STK3: variants seen among roughly 807,000 people sequenced by gnomAD.
STK3 encodes serine/threonine kinase 3.
In STK3, 41 loss-of-function variants were observed where a neutral mutation model predicts 58.0. The observed-to-expected ratio is 0.71, with a 90% CI of 0.55 to 0.92. STK3 has a LOEUF of 0.92. STK3 is among the 40% of genes least tolerant of loss of function. STK3 has a pLI of 0.00. For synonymous variants in STK3, 170 were observed against 191.0 expected, an observed-to-expected ratio of 0.89 and a Z score of 0.91; for missense variants, 479 against 602.7, an observed-to-expected ratio of 0.79 and a Z score of 2.15.
At chr8:98,427,867 T>G in intron 3 of STK3, 1 of 846,078 alleles carries the variant, frequency 1.2e-6, no homozygotes. Flanking sequence ...GGCCCGCCAG[T>G]AATGGGTAGG....
chr8:98,818,332 A>G (rs1237264421), intron 1 of STK3, among the ~76,000 whole-genome samples: 2 of 152,252 alleles, frequency 1.3e-5, no homozygotes, highest in Non-Finnish European at 2.9e-5. Flanking sequence ...GGAATGTGGA[A>G]AACAATTAAT....
intron 7 of STK3, among the ~76,000 whole-genome samples, chr8:98,582,941 C>G (rs776691104): frequency 2.0e-5 from 3 of 151,974 alleles, no homozygotes; most frequent in Non-Finnish European, 2.9e-5. Context: ...TTGTAACATA[C>G]AATGCTATAT....
chr8:98,462,483 A>G (rs1315750369), intron 10 of STK3, among the ~76,000 whole-genome samples: 1 of 151,998 alleles, frequency 6.6e-6, no homozygotes, highest in African/African-American at 2.4e-5. Context: ...GTTGTGGGAG[A>G]TAGAGTGTTT....
intron 1 of STK3, among the ~76,000 whole-genome samples, chr8:98,791,043 G>T (rs1832773278): frequency 6.6e-6 from 1 of 151,236 alleles, no homozygotes; most frequent in African/African-American, 2.4e-5. Context: ...GCTGTTTGCT[G>T]ATGATATGAT....
At chr8:98,764,248 T>C (rs1427017209) in intron 3 of STK3, among the ~76,000 whole-genome samples, 1 of 152,254 alleles carries the variant, frequency 6.6e-6, no homozygotes, top group Non-Finnish European at 1.5e-5. Flanking sequence ...TTTACTTTTC[T>C]TTCCCTTTAA....
intron 8 of STK3, among the ~76,000 whole-genome samples, chr8:98,548,755 CT>C: frequency 6.6e-6 from 1 of 152,060 alleles, no homozygotes; most frequent in Non-Finnish European, 1.5e-5. Context: ...CTCTATTGTA[CT>C]TACAAGAGGT....
chr8:98,430,554 T>C (rs899106047), intron 3 of STK3: 2 of 167,034 alleles, frequency 1.2e-5, no homozygotes, highest in African/African-American at 4.8e-5. Flanking sequence ...ATAATTTTGC[T>C]TCTAGGATAT....
intron 10 of STK3, among the ~76,000 whole-genome samples, chr8:98,468,429 C>G (rs1297524209): frequency 6.6e-6 from 1 of 151,970 alleles, no homozygotes; most frequent in African/African-American, 2.4e-5. Context: ...TGTAAGGACA[C>G]AAGAAAAAAG....
intron 10 of STK3, among the ~76,000 whole-genome samples, chr8:98,490,967 A>G (rs193116050): frequency 6.6e-6 from 1 of 152,350 alleles, no homozygotes; most frequent in East Asian, 1.9e-4. Context: ...TTAGACAGTA[A>G]TTCAAAGAAG....
At chr8:98,452,099 A>C (rs1419474843), downstream of STK3, among the ~76,000 whole-genome samples, 2 of 152,212 alleles carry the variant, frequency 1.3e-5, no homozygotes, top group Admixed American at 1.3e-4. Flanking sequence ...TGAAAATAGC[A>C]ATCCTATTGA....
intron 3 of STK3, among the ~76,000 whole-genome samples, chr8:98,855,923 G>A (rs113731855): frequency 0.046 from 7,059 of 152,042 alleles, 180 homozygotes; most frequent in African/African-American, 0.06. Flanking sequence ...TTGGGAGGCC[G>A]AGGTGGGTGG....
At position 98,407,886 on chromosome 8, in the gene STK3, C is replaced by T. The variant is rs76406712; in HGVS notation, n.484-6373G>A. On this transcript the variant is annotated intron_variant and non_coding_transcript_variant, in intron 3 of 3. Coordinates refer to the STK3 transcript ENST00000517832. ...AATCTCTAAATGGAACCTGCAATCA[C>T]TTGGATATGGGGGAAGAAAGGGAGC... is the stretch of plus-strand genomic sequence containing the variant. Among the ~76,000 whole-genome samples, 12 of 152,356 alleles carry T rather than the reference C, an allele frequency of 7.9e-5. No homozygotes were observed. In the East Asian group the frequency reaches 2.3e-3, roughly 29 times the overall value.
intron 6 of STK3, among the ~76,000 whole-genome samples, chr8:98,662,295 T>C (rs1190096995): frequency 2.0e-5 from 3 of 152,208 alleles, no homozygotes; most frequent in Non-Finnish European, 4.4e-5. Flanking sequence ...TTCTTAATTT[T>C]TGTAGTTCAT....
chr8:98,731,528 G>A (rs1160806836), intron 4 of STK3, among the ~76,000 whole-genome samples: 1 of 152,032 alleles, frequency 6.6e-6, no homozygotes, highest in Non-Finnish European at 1.5e-5. Context: ...GACCATCCTG[G>A]CTAACATGAT....
At chr8:98,362,911 C>G in the STK3 span, among the ~76,000 whole-genome samples, 2 of 152,180 alleles carry the variant, frequency 1.3e-5, no homozygotes, top group Non-Finnish European at 2.9e-5. Context: ...TCAGCAAATT[C>G]CCATTTGCAG....
At chr8:98,565,543 G>A (rs554415731) in intron 8 of STK3, among the ~76,000 whole-genome samples, 3 of 152,018 alleles carry the variant, frequency 2.0e-5, no homozygotes, top group Middle Eastern at 3.4e-3. Flanking sequence ...ATATGTATAT[G>A]CTTTTAAAAA....
intron 1 of STK3, among the ~76,000 whole-genome samples, chr8:98,802,182 A>T (rs1833600422): frequency 6.6e-6 from 1 of 152,288 alleles, no homozygotes; most frequent in African/African-American, 2.4e-5. Flanking sequence ...TTAAAAAAAT[A>T]AAAAAGGAAA....
intron 2 of STK3, 30 bp downstream of exon 2, chr8:98,774,709 T>A: frequency 1.4e-6 from 2 of 1,444,010 alleles, no homozygotes; most frequent in East Asian, 2.3e-5. Flanking sequence ...TCTGAAATTA[T>A]TTACATGCTT....
chr8:98,557,982 A>G (rs1376487025), intron 8 of STK3, among the ~76,000 whole-genome samples: 1 of 142,618 alleles, frequency 7.0e-6, no homozygotes, highest in African/African-American at 2.4e-5. Flanking sequence ...TTGGCATTAT[A>G]GGAGAAGTTT....
Sources: allele counts gnomAD v4.1 joint callset (sites outside exome capture counted in the v4.1 genomes callset), GRCh38; gene constraint gnomAD v4.1.1; transcripts MANE v1.5; gene names NCBI Gene and HGNC (gene_info 2026-07-23, HGNC 2026-07-21).